Variants in MAP3K12 observed in about 807,000 individuals in gnomAD.
MAP3K12 encodes mitogen-activated protein kinase kinase kinase 12, also known as MAPK-upstream kinase.
MAP3K12 carries 14 observed loss-of-function variants against 87.5 expected under a neutral mutation model. The observed-to-expected ratio is 0.16, with a 90% CI of 0.11 to 0.25. The LOEUF is 0.25. MAP3K12 is among the 10% of genes least tolerant of loss of function. The pLI, the probability that MAP3K12 is intolerant of heterozygous loss-of-function variation, is 1.00. For synonymous variants in MAP3K12, 469 were observed against 452.5 expected (o/e 1.04, Z -0.46); for missense variants, 802 against 1,140.4 (o/e 0.70, Z 4.27).
chr12:53,498,878 GCT>G (rs1030124495), intron 1 of MAP3K12, among the ~76,000 whole-genome samples: 2 of 150,844 alleles, frequency 1.3e-5, no homozygotes, highest in Admixed American at 1.3e-4. Flanking sequence ...AGGAACAGGT[GCT>G]CTCTGACTAA....
At chr12:53,488,666 A>AT (rs1216903723) in intron 1 of MAP3K12, among the ~76,000 whole-genome samples, 11 of 152,036 alleles carry the variant, frequency 7.2e-5, no homozygotes, top group South Asian at 4.1e-4. Flanking sequence ...TGTCTAAAAA[A>AT]ATATATAAAT....
rs1468310421 is a variant in MAP3K12 at position 53,485,037 on chromosome 12, C to T, written c.1139+19G>A. The T allele has an allele frequency of 1.9e-6, 3 of 1,613,924 alleles. No individual in the cohort carries two copies. On this transcript the variant is annotated intron_variant, in intron 6 of 13. Coordinates refer to ENST00000547488, the MANE Select transcript of MAP3K12 (RefSeq NM_001193511.2). ...CTCAACTTCTCCAGGCCCAGTATCCCAGCCCAGACCATCCTTACCAGCACT... is the reference window on the plus strand; with the variant it reads ...CTCAACTTCTCCAGGCCCAGTATCCTAGCCCAGACCATCCTTACCAGCACT...
At chr12:53,501,106 A>G (rs1423164576), upstream of MAP3K12, 2 of 457,306 alleles carry the variant, frequency 4.4e-6, no homozygotes, top group African/African-American at 2.0e-5. Context: ...AGGAGGCGGG[A>G]CGGTATTACA....
chr12:53,487,382 G>A lies in MAP3K12; in HGVS notation c.10C>T (p.Leu4Phe). The change falls in exon 2 of 14, where the codon CTC (leucine) becomes TTC (phenylalanine). Residue 4 changes from leucine (L) to phenylalanine (F), a missense_variant. Coordinates refer to ENST00000547488, the MANE Select transcript of MAP3K12 (RefSeq NM_001193511.2). MAC[L>F]HETRTPSPSF... ...GGAGAGGGTGTTCGGGTCTCATGGA[G>A]GCAAGCCATCGCCTCTGGCCCCTGG... 6.2e-7 allele frequency: 1 copy of A among 1,610,936 alleles called. No individual in the cohort carries two copies.
rs1231688118 is a variant in MAP3K12 at position 53,482,780 on chromosome 12, T to C, written c.2023A>G (p.Thr675Ala). 6.2e-7 allele frequency: 1 copy of C among 1,613,268 alleles called. No homozygotes were observed. The highest frequency in any genetic ancestry group is 1.1e-5 in the South Asian group (1 of 91,054). ...PGSPPPARGD[T>A]PPSEGSAPGS... ...GGGGCTGAGCCCTCACTTGGTGGGG[T>C]GTCACCCCGGGCCGGAGGTGGTGAG... The change falls in exon 11 of 14, where the codon ACC (threonine) becomes GCC (alanine). Residue 675 changes from threonine to alanine, a missense_variant. By Grantham distance (58) the Thr-to-Ala change is moderately conservative (BLOSUM62 0). Coordinates refer to ENST00000547488, the MANE Select transcript of MAP3K12 (RefSeq NM_001193511.2).
At chr12:53,485,653 TC>T in intron 4 of MAP3K12, 178 bp from the exon 5 acceptor site, 1 of 657,106 alleles carries the variant, frequency 1.5e-6, no homozygotes, top group Non-Finnish European at 2.6e-6. Context: ...CCTCCTGGGT[TC>T]AAGTGATTCT....
At chr12:53,491,328 T>G (rs1466482191) in intron 1 of MAP3K12, among the ~76,000 whole-genome samples, 1 of 136,362 alleles carries the variant, frequency 7.3e-6, no homozygotes, top group Non-Finnish European at 1.6e-5. Flanking sequence ...AAAACAGGCT[T>G]ACTAAGTATG....
At chr12:53,493,378 G>A (rs1421545994) in intron 1 of MAP3K12, among the ~76,000 whole-genome samples, 1 of 152,156 alleles carries the variant, frequency 6.6e-6, no homozygotes, top group Non-Finnish European at 1.5e-5. Context: ...ATCTTCGGCT[G>A]AGGCGTCTGG....
chr12:53,488,740 T>C (rs1415722705), intron 1 of MAP3K12, among the ~76,000 whole-genome samples: 1 of 151,884 alleles, frequency 6.6e-6, no homozygotes, highest in African/African-American at 2.4e-5. Context: ...GCCTGTAATC[T>C]CAACACTTTG....
At chr12:53,492,089 A>AAAG (rs1054001621) in intron 1 of MAP3K12, among the ~76,000 whole-genome samples, 2 of 148,272 alleles carry the variant, frequency 1.3e-5, no homozygotes, top group African/African-American at 2.6e-5. Context: ...AAAAAAAAAA[A>AAAG]AAGAAGAAGA....
chr12:53,498,153 T>G (rs926571174), intron 1 of MAP3K12, among the ~76,000 whole-genome samples: 1 of 152,100 alleles, frequency 6.6e-6, no homozygotes, highest in African/African-American at 2.4e-5. Context: ...GGACACACTT[T>G]TTTTCACCTG....
At chr12:53,484,053 C>T (rs1221759116) in intron 7 of MAP3K12, 33 bp from the exon 8 acceptor site, 14 of 1,595,060 alleles carry the variant, frequency 8.8e-6, no homozygotes, top group Non-Finnish European at 1.2e-5. Flanking sequence ...GAGTGAGAGC[C>T]ATCCCTTCAC....
chr12:53,482,940 C>T lies in MAP3K12; in HGVS notation c.1863G>A (p.Glu621=). 1 of 1,606,714 alleles carries T rather than the reference C, an allele frequency of 6.2e-7. No individual in the cohort carries two copies. The highest frequency in any genetic ancestry group is 8.5e-7 in the Non-Finnish European group (1 of 1,178,496). The change falls in exon 11 of 14, where the codon GAG becomes GAA. Residue 621 remains glutamate (E), a synonymous_variant. Transcript: ENST00000547488. ...GGLGGGPSAW[E]ACPPALRGLH... ...GCCCACGGAGGGCGGGAGGGCAGGC[C>T]TCCCAGGCTGAGGGTCCCCCTCCTA...
At chr12:53,481,363 G>GT (rs1244206484) in intron 13 of MAP3K12, 83 bp from the exon 14 acceptor site, 5 of 694,988 alleles carry the variant, frequency 7.2e-6, no homozygotes, top group South Asian at 5.7e-5. Context: ...TTACTGATTT[G>GT]TTTTTTAAGA....
At chr12:53,484,725 C>A (rs574675333) in intron 6 of MAP3K12, 52 of 451,540 alleles carry the variant, frequency 1.2e-4, no homozygotes, top group Non-Finnish European at 1.9e-4. Context: ...TCCTTTCCTT[C>A]TGTGTTCTAA....
At chr12:53,491,014 C>T (rs1186828714) in intron 1 of MAP3K12, among the ~76,000 whole-genome samples, 3 of 151,936 alleles carry the variant, frequency 2.0e-5, no homozygotes, top group Non-Finnish European at 2.9e-5. Context: ...TACGGCTGGG[C>T]GTAGTGGCTC....
At chr12:53,493,277 G>A (rs908714232) in intron 1 of MAP3K12, among the ~76,000 whole-genome samples, 1 of 152,110 alleles carries the variant, frequency 6.6e-6, no homozygotes, top group East Asian at 1.9e-4. Context: ...CTGGTTGCCG[G>A]GATGGCTGCG....
chr12:53,482,449 T>TA, intron 11 of MAP3K12, 80 bp from the exon 12 acceptor site: 3 of 1,606,682 alleles, frequency 1.9e-6, no homozygotes, highest in East Asian at 2.2e-5. Context: ...GGAACATAGT[T>TA]ACGAAGGGTG....
intron 8 of MAP3K12, 87 bp from the exon 9 acceptor site, chr12:53,483,810 C>T (rs945502021): frequency 6.2e-7 from 1 of 1,611,722 alleles, no homozygotes; most frequent in South Asian, 1.1e-5. Context: ...TGTCCACAGT[C>T]CTTTCGTAGT....
Sources: gnomAD v4.1 joint callset for allele counts (sites outside exome capture counted in the v4.1 genomes callset) on GRCh38, gnomAD v4.1.1 for gene constraint, MANE v1.5 for transcripts, NCBI Gene and HGNC (gene_info 2026-07-23, HGNC 2026-07-21) for gene names.